Variants in GNA15 observed in about 807,000 individuals in gnomAD.
GNA15 encodes G protein subunit alpha 15, also known as guanine nucleotide-binding protein subunit alpha-15.
GNA15 carries 23 observed loss-of-function variants against 40.1 expected under a neutral mutation model. The observed-to-expected ratio is 0.57, with a 90% CI of 0.41 to 0.81. The LOEUF (loss-of-function observed/expected upper bound fraction) is 0.81. Ranked by LOEUF, GNA15 falls within the 40% of genes least tolerant of loss-of-function variation. The pLI is 0.00. For missense variants in GNA15, 522 were observed against 515.8 expected, an observed-to-expected ratio of 1.01 and a Z score of -0.12; for synonymous variants, 226 against 210.4, an observed-to-expected ratio of 1.07 and a Z score of -0.64.
chr19:3,159,031 T>G (rs187204086), intron 6 of GNA15, among the ~76,000 whole-genome samples: 3,897 of 151,494 alleles, frequency 0.026, 78 homozygotes, highest in Non-Finnish European at 0.037. Flanking sequence ...AATTTTTTTT[T>G]GTTTGTTTTT....
intron 5 of GNA15, among the ~76,000 whole-genome samples, chr19:3,156,620 G>A (rs1404532825): frequency 1.3e-5 from 2 of 152,110 alleles, no homozygotes; most frequent in African/African-American, 4.8e-5. Context: ...AGCCTCCGGA[G>A]TAGGTGGGAT....
intron 5 of GNA15, 92 bp from the exon 6 acceptor site, chr19:3,157,636 C>A: frequency 8.8e-7 from 1 of 1,142,604 alleles, no homozygotes; most frequent in Non-Finnish European, 1.3e-6. Context: ...GAGCCCATGC[C>A]CCTGGAGCCA....
chr19:3,143,785 C>T (rs1914631602), intron 1 of GNA15, among the ~76,000 whole-genome samples: 1 of 152,030 alleles, frequency 6.6e-6, no homozygotes, highest in Non-Finnish European at 1.5e-5. Flanking sequence ...CCCTCAACGG[C>T]CCCGAGACTG....
rs1599333130 is a variant in GNA15, at chr19:3,163,177, C to T, written c.*158C>T. 7.9e-5 allele frequency: 49 copies of T among 617,962 alleles called. 2 individuals carry two copies. In the East Asian group the frequency reaches 1.3e-3, roughly 17 times the overall value. 38.3% of individuals were successfully genotyped at this position (617,962 alleles called of 1,614,324 possible). Reference sequence around the variant, plus strand: ...CGCTGCTGGCCGCTCTCTTCTCTGCCTCTCACCAGGACAGCCGCCCCCCAG... The same window carrying T: ...CGCTGCTGGCCGCTCTCTTCTCTGCTTCTCACCAGGACAGCCGCCCCCCAG... On this transcript the variant is annotated 3_prime_UTR_variant, in exon 7 of 7. Coordinates refer to ENST00000262958, the MANE Select transcript of GNA15 (RefSeq NM_002068.4).
intron 1 of GNA15, among the ~76,000 whole-genome samples, chr19:3,147,488 G>A: frequency 6.6e-6 from 1 of 151,936 alleles, no homozygotes; most frequent in East Asian, 1.9e-4. Context: ...GGGAGCCAGA[G>A]GTTGCAGTGA....
At position 3,163,498 on chromosome 19, in the gene GNA15, G is replaced by A. The variant is rs1915189131; in HGVS notation, c.*479G>A. 1 of 169,740 alleles carries A rather than the reference G, an allele frequency of 5.9e-6. No individual in the cohort carries two copies. Among genetic ancestry groups the A allele is most frequent in the African/African-American group, 2.4e-5 (1 of 41,840 alleles). The allele number at this position is 169,740 out of a possible 1,614,324, so 10.5% of individuals were successfully genotyped here. On this transcript the variant is annotated 3_prime_UTR_variant, in exon 7 of 7. Transcript: ENST00000262958. The stretch of plus-strand genomic sequence containing the variant: ...GAGAAGGAACGCCTTCCAGGAACCT[G>A]TGGACTAGGGGTGCAGGGACTTCCC...
In GNA15 at chr19:3,151,633, G is replaced by C; in HGVS notation, c.486-74G>C. The C allele has an allele frequency of 2.7e-6, 4 of 1,472,974 alleles. No homozygotes were observed. Among genetic ancestry groups the C allele is most frequent in the Non-Finnish European group, 3.6e-6 (4 of 1,109,202 alleles). 91.2% of individuals were successfully genotyped at this position (1,472,974 alleles called of 1,614,324 possible). On this transcript the variant is annotated intron_variant, in intron 3 of 6. Coordinates refer to ENST00000262958, the MANE Select transcript of GNA15 (RefSeq NM_002068.4). This position sits in a 1 kb window ranked among gnomAD's most constrained non-coding sequence, Gnocchi z 5.0. ...CTCCTCCCCCAGCAGGGTCCTTGCT[G>C]GGCCTTTCGTAGGGCCTGGGAAGCA...
intron 1 of GNA15, among the ~76,000 whole-genome samples, chr19:3,137,304 T>G (rs897731122): frequency 6.6e-6 from 1 of 152,140 alleles, no homozygotes; most frequent in African/African-American, 2.4e-5. Context: ...GGTGATGGCT[T>G]CCATGCGGAG....
In GNA15 at chr19:3,144,685, T is replaced by C. The variant is rs34881444; in HGVS notation, c.146-3906T>C. Among the ~76,000 whole-genome samples the C allele has an allele frequency of 8.7e-3, 1,312 of 150,932 alleles. 47 individuals carry two copies. In the East Asian group the frequency reaches 0.13, roughly 15 times the overall value. The stretch of plus-strand genomic sequence containing the variant: ...CTGGAACTACAGGCGCCCGCCACCA[T>C]GCCCGGTTAATTTTTTGTATTTTTA... On this transcript the variant is annotated intron_variant, in intron 1 of 6. Coordinates refer to ENST00000262958, the MANE Select transcript of GNA15 (RefSeq NM_002068.4).
At chr19:3,148,078 T>C (rs1286292502) in intron 1 of GNA15, among the ~76,000 whole-genome samples, 1 of 151,732 alleles carries the variant, frequency 6.6e-6, no homozygotes, top group Non-Finnish European at 1.5e-5. Context: ...ATGTTTTGTT[T>C]TTTTTGTTTG....
Position 3,140,044 on chromosome 19 carries a change from A to ATCTATCT in GNA15, c.145+3449_145+3450insTCTATCT, listed in dbSNP as rs1555705063. Among the ~76,000 whole-genome samples, 208 of 124,086 alleles carry ATCTATCT rather than the reference A, an allele frequency of 1.7e-3. 2 individuals carry two copies. The highest frequency in any genetic ancestry group is 8.5e-3 in the Middle Eastern group (2 of 236). The allele number at this position is 124,086 out of a possible 152,430, so 81.4% of individuals were successfully genotyped here. A position where few individuals can be genotyped will look rare whatever the true frequency, so the allele number is the denominator to read the frequency against. ...GTGAAACTCCATCTCAAAAAAAAAA[A>ATCTATCT]ATCTATCTATCTATCTATCTATCTA... On this transcript the variant is annotated intron_variant, in intron 1 of 6. Transcript: ENST00000262958.
chr19:3,141,046 T>C (rs913300413), intron 1 of GNA15, among the ~76,000 whole-genome samples: 6 of 152,174 alleles, frequency 3.9e-5, no homozygotes, highest in Non-Finnish European at 7.3e-5. Flanking sequence ...AAAGCTGTTT[T>C]TTTTTTACCT....
At chr19:3,141,106 G>T (rs1437889557) in intron 1 of GNA15, among the ~76,000 whole-genome samples, 1 of 152,096 alleles carries the variant, frequency 6.6e-6, no homozygotes, top group Non-Finnish European at 1.5e-5. Context: ...CCAGGGTGGG[G>T]GTGGGTCTGT....
Position 3,136,649 on chromosome 19 carries a change from G to A in GNA15, c.145+54G>A, listed in dbSNP as rs781728223. The A allele has an allele frequency of 8.0e-6, 12 of 1,498,044 alleles. No homozygotes were observed. The Admixed American group carries it at 1.0e-4, about 12-fold the overall frequency. 92.8% of individuals were successfully genotyped at this position (1,498,044 alleles called of 1,614,324 possible). A position where few individuals can be genotyped will look rare whatever the true frequency, so the allele number is the denominator to read the frequency against. On this transcript the variant is annotated intron_variant, in intron 1 of 6. Transcript: ENST00000262958. The surrounding 1 kb of genome is among the most constrained non-coding windows in gnomAD (Gnocchi z 4.9). ...GGTGGGCAGTGGGCGGTGGCCAGCC[G>A]GCAGGGGTGTCGGGGCAAGGAGGCG...
intron 3 of GNA15, 52 bp downstream of exon 3, chr19:3,150,337 G>A: frequency 1.4e-6 from 2 of 1,444,136 alleles, no homozygotes; most frequent in Non-Finnish European, 1.8e-6. Context: ...CTGAGGGCAG[G>A]GGCCAGGCTG....
Position 3,146,758 on chromosome 19 carries a change from C to A in GNA15, c.146-1833C>A, listed in dbSNP as rs575418496. ...CACCCCCCACAGCCTGTCCTCCCTG[C>A]AGCAGCCACCAGAGGGCGCCTGTGA... On this transcript the variant is annotated intron_variant, in intron 1 of 6. Coordinates refer to ENST00000262958, the MANE Select transcript of GNA15 (RefSeq NM_002068.4). 4.6e-5 allele frequency among the ~76,000 whole-genome samples: 7 copies of A among 152,200 alleles called. No individual in the cohort carries two copies. The East Asian group carries it at 1.4e-3, about 29-fold the overall frequency.
At chr19:3,144,990 A>G (rs769832460) in intron 1 of GNA15, among the ~76,000 whole-genome samples, 2 of 151,008 alleles carry the variant, frequency 1.3e-5, no homozygotes, top group Non-Finnish European at 2.9e-5. Context: ...CACCATGCCC[A>G]GCTAATTTTT....
At position 3,157,709 on chromosome 19, in the gene GNA15, G is replaced by C. The variant is rs1915060057; in HGVS notation, c.745-19G>C. 1.9e-6 allele frequency: 3 copies of C among 1,610,244 alleles called. No individual in the cohort carries two copies. The highest frequency in any genetic ancestry group is 2.2e-5 in the South Asian group (2 of 90,916). On this transcript the variant is annotated intron_variant, in intron 5 of 6. Transcript: ENST00000262958. The stretch of plus-strand genomic sequence containing the variant: ...ACCTGGCTGGTTGAAGCACTAACCT[G>C]CTTCTGCCCCCAACACAGAACCGCA...
rs1914980645 is a variant in GNA15 at position 3,155,069 on chromosome 19, G to C, written c.615-754G>C. 6.6e-6 allele frequency: 1 copy of C among 152,296 alleles called. No individual in the cohort carries two copies. The highest frequency in any genetic ancestry group is 6.5e-5 in the Admixed American group (1 of 15,282). The allele number at this position is 152,296 out of a possible 1,614,324, so 9.4% of individuals were successfully genotyped here. On this transcript the variant is annotated intron_variant, in intron 4 of 6. Transcript: ENST00000262958. This position sits in a 1 kb window ranked among gnomAD's most constrained non-coding sequence, Gnocchi z 5.6. ...GAGGGACTCTGAGGATGCATGGGAG[G>C]AGTGGGTCTCAGGGATCAGGAGACA... is the stretch of plus-strand genomic sequence containing the variant.
Sources: allele counts gnomAD v4.1 joint callset (sites outside exome capture counted in the v4.1 genomes callset), GRCh38; gene constraint gnomAD v4.1.1; non-coding constraint Gnocchi (gnomAD v3.1); transcripts MANE v1.5; gene names NCBI Gene and HGNC (gene_info 2026-07-23, HGNC 2026-07-21).